DLG1: variants seen among roughly 807,000 people sequenced by gnomAD.
DLG1 encodes the protein disks large homolog 1.
DLG1 carries 42 observed loss-of-function variants against 123.4 expected under a neutral mutation model. The ratio of observed to expected loss-of-function variants is 0.34; its 90% CI spans 0.27 to 0.44. The LOEUF (loss-of-function observed/expected upper bound fraction) is 0.44. Among genes scored for constraint, DLG1 ranks in the 20% least tolerant of loss-of-function variants. DLG1 has a pLI of 1.00. For synonymous variants in DLG1, 317 were observed against 356.2 expected (o/e 0.89, Z 1.24); for missense variants, 942 against 1,082.6 (o/e 0.87, Z 1.82).
At chr3:197,115,565 A>T (rs1772777404) in intron 13 of DLG1, among the ~76,000 whole-genome samples, 1 of 152,188 alleles carries the variant, frequency 6.6e-6, no homozygotes, top group Non-Finnish European at 1.5e-5. Flanking sequence ...GGGTAGCTTT[A>T]AAAAAATCAT....
intron 4 of DLG1, 36 bp from the exon 5 acceptor site, chr3:197,194,625 G>A (rs935625820): frequency 1.4e-6 from 2 of 1,479,912 alleles, no homozygotes; most frequent in African/African-American, 1.4e-5. Flanking sequence ...GCCCTGATAA[G>A]CAACATGAGT....
rs187114623 is a variant in DLG1, at chr3:197,121,168, C to A, written c.1166-1638G>T. Among the ~76,000 whole-genome samples, 236 of 152,222 alleles carry A rather than the reference C, an allele frequency of 1.6e-3. 2 individuals are homozygous for A. The highest frequency in any genetic ancestry group is 0.014 in the Admixed American group (216 of 15,282). On this transcript the variant is annotated intron_variant, in intron 11 of 24. Coordinates refer to ENST00000667157, the MANE Select transcript of DLG1 (RefSeq NM_001366207.1). ...CAGACTATCCCTTTAGTCAATGCAT[C>A]CTTTCTGGGGCAGTTAATCTCACAT... is the stretch of plus-strand genomic sequence containing the variant.
chr3:197,278,828 G>C (rs1440661638), intron 4 of DLG1, among the ~76,000 whole-genome samples: 1 of 151,758 alleles, frequency 6.6e-6, no homozygotes, highest in Admixed American at 6.6e-5. Flanking sequence ...TGAAAATTGA[G>C]CAATCTTAAC....
intron 10 of DLG1, among the ~76,000 whole-genome samples, chr3:197,135,402 G>T (rs989427574): frequency 2.6e-5 from 4 of 152,184 alleles, no homozygotes; most frequent in Admixed American, 2.6e-4. Context: ...TAAGCATCTG[G>T]CATTTCCACT....
At chr3:197,208,003 G>C (rs1031926902) in intron 4 of DLG1, among the ~76,000 whole-genome samples, 1 of 143,302 alleles carries the variant, frequency 7.0e-6, no homozygotes, top group Non-Finnish European at 1.6e-5. Flanking sequence ...TAAATCCAAA[G>C]GACTAATTTC....
intron 17 of DLG1, chr3:197,078,625 CTG>C (rs1330803609): frequency 6.6e-6 from 1 of 152,056 alleles, no homozygotes; most frequent in African/African-American, 2.4e-5. Flanking sequence ...ATTTTATAAA[CTG>C]TCAAGTAGCA....
chr3:197,263,863 G>A (rs1208639691), intron 4 of DLG1, among the ~76,000 whole-genome samples: 1 of 152,034 alleles, frequency 6.6e-6, no homozygotes, highest in East Asian at 1.9e-4. Flanking sequence ...GGGATAGCAG[G>A]GTGACCACAA....
intron 14 of DLG1, among the ~76,000 whole-genome samples, chr3:197,099,683 G>C (rs564625122): frequency 9.2e-5 from 14 of 152,226 alleles, no homozygotes; most frequent in African/African-American, 2.9e-4. Flanking sequence ...AGGGGTATGG[G>C]GGAAATTGGA....
chr3:197,281,045 C>T (rs1184628882), intron 4 of DLG1, among the ~76,000 whole-genome samples: 4 of 130,208 alleles, frequency 3.1e-5, no homozygotes, highest in African/African-American at 1.2e-4. Context: ...TTTTTTGAGA[C>T]GGAGTCTCGC....
At position 197,113,643 on chromosome 3, in the gene DLG1, T is replaced by A. The variant is rs1771367923; in HGVS notation, c.1443+2284A>T. 2.6e-5 allele frequency among the ~76,000 whole-genome samples: 4 copies of A among 152,184 alleles called. No individual in the cohort carries two copies. The South Asian group carries it at 8.3e-4, about 32-fold the overall frequency. ...CATGAACCTTTATATTTAAAGTAAA[T>A]TTCTGATAAACAGTATATAGTTTGG... On this transcript the variant is annotated intron_variant, in intron 13 of 24. Coordinates refer to ENST00000667157, the MANE Select transcript of DLG1 (RefSeq NM_001366207.1).
intron 4 of DLG1, among the ~76,000 whole-genome samples, chr3:197,255,382 T>C (rs1026304456): frequency 3.3e-5 from 5 of 152,212 alleles, no homozygotes; most frequent in Admixed American, 6.5e-5. Flanking sequence ...CACCACTTTG[T>C]AATGAAGCAG....
intron 14 of DLG1, among the ~76,000 whole-genome samples, chr3:197,096,751 T>C (rs1191546886): frequency 2.0e-5 from 3 of 152,230 alleles, no homozygotes; most frequent in Admixed American, 6.5e-5. Flanking sequence ...TACTCTATCA[T>C]TTTTCTTTGT....
At position 197,111,673 on chromosome 3, in the gene DLG1, A is replaced by G. The variant is rs148938155; in HGVS notation, c.1443+4254T>C. Among the ~76,000 whole-genome samples the G allele has an allele frequency of 9.8e-5, 15 of 152,324 alleles. 1 individual carries two copies. The highest frequency in any genetic ancestry group is 1.9e-4 in the African/African-American group (8 of 41,570). ...CATGTATCTTTTCCACCGATGTTCA[A>G]CTGTGCACTTCTATAGTCAGTCCCA... On this transcript the variant is annotated intron_variant, in intron 13 of 24. Transcript: ENST00000667157.
At chr3:197,055,838 T>C (rs1208077440) in intron 23 of DLG1, among the ~76,000 whole-genome samples, 2 of 152,172 alleles carry the variant, frequency 1.3e-5, no homozygotes, top group Non-Finnish European at 2.9e-5. Context: ...GTGGAGGGGC[T>C]TGTAACAGTG....
chr3:197,066,635 A>AT, intron 20 of DLG1, 69 bp downstream of exon 20: 10 of 1,274,204 alleles, frequency 7.8e-6, no homozygotes, highest in South Asian at 2.9e-5. Context: ...GGGTATGAGA[A>AT]TTTTTTTCCC....
intron 17 of DLG1, among the ~76,000 whole-genome samples, chr3:197,078,751 C>T (rs1032999940): frequency 6.6e-6 from 1 of 152,070 alleles, no homozygotes; most frequent in African/African-American, 2.4e-5. Context: ...TAAATCTTTT[C>T]GTTCATAAGA....
At chr3:197,154,672 C>T (rs918002822) in intron 5 of DLG1, among the ~76,000 whole-genome samples, 27 of 150,286 alleles carry the variant, frequency 1.8e-4, no homozygotes, top group African/African-American at 6.1e-4. Flanking sequence ...CAGACTCTGT[C>T]TCAAGAAAAA....
intron 5 of DLG1, among the ~76,000 whole-genome samples, chr3:197,164,691 T>TAGG (rs1800435094): frequency 6.7e-6 from 1 of 149,526 alleles, no homozygotes; most frequent in African/African-American, 2.5e-5. Flanking sequence ...CACCTGAGTT[T>TAGG]AGGAGTTCGA....
At chr3:197,246,049 T>C (rs928537119) in intron 4 of DLG1, among the ~76,000 whole-genome samples, 1 of 152,152 alleles carries the variant, frequency 6.6e-6, no homozygotes, top group Non-Finnish European at 1.5e-5. Context: ...TACTTGGAAT[T>C]AGTATAAATA....
Sources: allele counts gnomAD v4.1 joint callset (sites outside exome capture counted in the v4.1 genomes callset), GRCh38; gene constraint gnomAD v4.1.1; transcripts MANE v1.5; gene names NCBI Gene and HGNC (gene_info 2026-07-23, HGNC 2026-07-21).